Variants in BCKDHB observed in about 807,000 individuals in gnomAD.
BCKDHB encodes branched chain keto acid dehydrogenase E1 subunit beta, also known as 2-oxoisovalerate dehydrogenase subunit beta, mitochondrial.
Under a neutral mutation model 48.5 loss-of-function variants are expected in BCKDHB, and 41 were observed. The ratio of observed to expected loss-of-function variants is 0.85; its 90% CI spans 0.66 to 1.10. The LOEUF (loss-of-function observed/expected upper bound fraction) is 1.10. Ranked by LOEUF, BCKDHB falls within the 50% of genes least tolerant of loss-of-function variation. BCKDHB has a pLI of 0.00. For synonymous variants in BCKDHB, 201 were observed against 174.8 expected (o/e 1.15, Z -1.18); for missense variants, 496 against 494.2 (o/e 1.00, Z -0.03).
intron 9 of BCKDHB, among the ~76,000 whole-genome samples, chr6:80,322,488 C>T (rs1562229057): frequency 6.6e-6 from 1 of 152,044 alleles, no homozygotes; most frequent in Non-Finnish European, 1.5e-5. Context: ...CCACCCGCCT[C>T]GGCCTCCCAA....
At chr6:80,444,912 T>A in the BCKDHB span, among the ~76,000 whole-genome samples, 1 of 152,212 alleles carries the variant, frequency 6.6e-6, no homozygotes, top group Admixed American at 6.6e-5. Context: ...GAACAATTAT[T>A]AACACTACCT....
intron 9 of BCKDHB, among the ~76,000 whole-genome samples, chr6:80,322,085 T>C (rs1046383911): frequency 2.0e-5 from 3 of 152,180 alleles, no homozygotes; most frequent in Non-Finnish European, 2.9e-5. Flanking sequence ...AGCATTTATA[T>C]GTATATTACT....
intron 9 of BCKDHB, among the ~76,000 whole-genome samples, chr6:80,283,576 A>G (rs1038861729): frequency 2.0e-5 from 3 of 152,198 alleles, no homozygotes; most frequent in Admixed American, 6.5e-5. Context: ...TTAATTAGTA[A>G]AATAGATTCT....
intron 3 of BCKDHB, among the ~76,000 whole-genome samples, chr6:80,140,842 T>C (rs910568874): frequency 6.6e-6 from 1 of 152,222 alleles, no homozygotes; most frequent in Non-Finnish European, 1.5e-5. Context: ...GAGGATTCCC[T>C]CTTTTTCTAT....
chr6:80,258,482 G>T (rs938749971), intron 8 of BCKDHB, among the ~76,000 whole-genome samples: 2 of 152,242 alleles, frequency 1.3e-5, no homozygotes, highest in African/African-American at 4.8e-5. Context: ...CTGGCCTGTA[G>T]TTCTGTTGAA....
chr6:80,262,779 G>A (rs1294817462), intron 8 of BCKDHB, among the ~76,000 whole-genome samples: 1 of 151,924 alleles, frequency 6.6e-6, no homozygotes, highest in Non-Finnish European at 1.5e-5. Context: ...TTTTTATGAT[G>A]AGGTGAGCCA....
chr6:80,144,310 G>A (rs56108475), intron 3 of BCKDHB, among the ~76,000 whole-genome samples: 1,758 of 152,226 alleles, frequency 0.012, 35 homozygotes, highest in African/African-American at 0.04. Flanking sequence ...CATGAAGAAG[G>A]CACTTTTTCT....
chr6:80,340,454 C>T (rs1257233915), intron 9 of BCKDHB, among the ~76,000 whole-genome samples: 1 of 152,188 alleles, frequency 6.6e-6, no homozygotes, highest in African/African-American at 2.4e-5. Context: ...AGCTTACATA[C>T]ACAGCTCTGT....
intron 9 of BCKDHB, among the ~76,000 whole-genome samples, chr6:80,331,550 A>T (rs1769315593): frequency 6.6e-6 from 1 of 152,202 alleles, no homozygotes; most frequent in Non-Finnish European, 1.5e-5. Context: ...TCTTAGGTAG[A>T]GGGAACTTTC....
At chr6:80,163,845 A>C (rs1019720547) in intron 3 of BCKDHB, among the ~76,000 whole-genome samples, 10 of 152,152 alleles carry the variant, frequency 6.6e-5, no homozygotes, top group African/African-American at 2.4e-5. Context: ...ACTTTGAATC[A>C]TCCTTAGTAT....
chr6:80,227,470 T>A (rs1462710047), intron 8 of BCKDHB, among the ~76,000 whole-genome samples: 2 of 152,202 alleles, frequency 1.3e-5, no homozygotes, highest in Non-Finnish European at 2.9e-5. Context: ...TGCTATGTTT[T>A]AAAAAAACTA....
At chr6:80,199,477 C>T (rs946503989) in intron 6 of BCKDHB, among the ~76,000 whole-genome samples, 26 of 151,926 alleles carry the variant, frequency 1.7e-4, no homozygotes, top group Admixed American at 1.7e-3. Flanking sequence ...ATAGTATTTT[C>T]GCATAAGAAC....
chr6:80,107,494 T>A (rs1293966594), intron 1 of BCKDHB, among the ~76,000 whole-genome samples: 1 of 138,254 alleles, frequency 7.2e-6, no homozygotes, highest in African/African-American at 2.8e-5. Flanking sequence ...TACGCGCATA[T>A]ATATGCATAT....
chr6:80,384,620 G>A, the BCKDHB span, among the ~76,000 whole-genome samples: 2 of 152,110 alleles, frequency 1.3e-5, no homozygotes, highest in African/African-American at 4.8e-5. Flanking sequence ...GCCTCCCAAA[G>A]TGCTGGGATT....
intron 9 of BCKDHB, among the ~76,000 whole-genome samples, chr6:80,338,361 A>G (rs2179841): frequency 0.78 from 118,015 of 152,048 alleles, 46,171 homozygotes; most frequent in Admixed American, 0.84. Context: ...GGAAATAGGC[A>G]CCTTGTGTGC....
rs1346596726 is a variant in BCKDHB, at chr6:80,171,350, T to C, written c.702T>C (p.Pro234=). The change falls in exon 6 of 10, where the codon CCT becomes CCC. Residue 234 remains proline, a synonymous_variant. Transcript: ENST00000320393. ...TGTCATGCATAGAGGATAAAAATCC[T>C]TGTATATTTTTTGAACCTAAAATAC... ...LLLSCIEDKN[P]CIFFEPKILY... The C allele has an allele frequency of 1.2e-6, 2 of 1,607,508 alleles. No individual in the cohort carries two copies. Among genetic ancestry groups the C allele is most frequent in the Middle Eastern group, 2.1e-4 (1 of 4,720 alleles).
chr6:80,171,714 A>T (rs1242469841), intron 6 of BCKDHB, among the ~76,000 whole-genome samples: 1 of 152,142 alleles, frequency 6.6e-6, no homozygotes, highest in Admixed American at 6.6e-5. Context: ...TTTACTAAAT[A>T]GTATATGTTT....
intron 6 of BCKDHB, among the ~76,000 whole-genome samples, chr6:80,192,542 T>C (rs1393967411): frequency 6.6e-6 from 1 of 152,166 alleles, no homozygotes; most frequent in Admixed American, 6.5e-5. Flanking sequence ...TTTGCTACAC[T>C]ATTAAATGCT....
chr6:80,169,139 G>A, intron 5 of BCKDHB, 109 bp downstream of exon 5: 1 of 1,414,982 alleles, frequency 7.1e-7, no homozygotes, highest in Non-Finnish European at 9.8e-7. Context: ...CAGGATTCTT[G>A]GAATTTATGT....
Sources: gnomAD v4.1 joint callset for allele counts (sites outside exome capture counted in the v4.1 genomes callset) on GRCh38, gnomAD v4.1.1 for gene constraint, MANE v1.5 for transcripts, NCBI Gene and HGNC (gene_info 2026-07-23, HGNC 2026-07-21) for gene names.